SAMD5: variants seen among roughly 807,000 people sequenced by gnomAD.
SAMD5 encodes sterile alpha motif domain-containing protein 5.
In SAMD5, 13 loss-of-function variants were observed where a neutral mutation model predicts 11.3. That is an observed-to-expected ratio of 1.15 (90% CI 0.75 to 1.83). SAMD5 has a LOEUF of 1.83. Ranked by LOEUF, SAMD5 falls within the 40% of genes most tolerant of loss-of-function variation. The pLI is 0.00. For synonymous variants in SAMD5, 129 were observed against 111.3 expected, an observed-to-expected ratio of 1.16 and a Z score of -1.00; for missense variants, 255 against 239.1, an observed-to-expected ratio of 1.07 and a Z score of -0.44.
At chr6:147,666,499 T>C (rs1408124424) in intron 1 of SAMD5, among the ~76,000 whole-genome samples, 1 of 152,154 alleles carries the variant, frequency 6.6e-6, no homozygotes, top group Non-Finnish European at 1.5e-5. Flanking sequence ...CAGCTCCCTG[T>C]CAGAGAGCTT....
the SAMD5 span, among the ~76,000 whole-genome samples, chr6:147,791,480 C>T: frequency 1.3e-5 from 2 of 152,032 alleles, no homozygotes; most frequent in Non-Finnish European, 2.9e-5. Flanking sequence ...TACGTTTATA[C>T]CTTTCACTTT....
chr6:147,649,232 T>C (rs905722804), intron 1 of SAMD5, among the ~76,000 whole-genome samples: 1 of 152,218 alleles, frequency 6.6e-6, no homozygotes, highest in South Asian at 2.1e-4. Context: ...AGTTTTGTTT[T>C]TCATGGAATG....
chr6:147,620,319 C>A (rs1387249807), intron 1 of SAMD5, among the ~76,000 whole-genome samples: 1 of 152,176 alleles, frequency 6.6e-6, no homozygotes, highest in Non-Finnish European at 1.5e-5. Context: ...CAGATTCTGG[C>A]CCCAGCCTTA....
intron 1 of SAMD5, among the ~76,000 whole-genome samples, chr6:147,683,448 A>G (rs1045362996): frequency 3.3e-5 from 5 of 151,864 alleles, no homozygotes; most frequent in African/African-American, 1.2e-4. Flanking sequence ...TAAAATATGT[A>G]TCTATTCATT....
intron 1 of SAMD5, among the ~76,000 whole-genome samples, chr6:147,525,523 G>A (rs1252707541): frequency 1.3e-5 from 2 of 151,874 alleles, no homozygotes; most frequent in Non-Finnish European, 2.9e-5. Context: ...CGAAGTGTTA[G>A]TAGCTAGAGG....
chr6:147,715,270 G>T (rs1241370289), intron 1 of SAMD5, among the ~76,000 whole-genome samples: 1 of 152,254 alleles, frequency 6.6e-6, no homozygotes, highest in Non-Finnish European at 1.5e-5. Flanking sequence ...GCGCAGAGCA[G>T]TGAGGAGTTT....
At chr6:147,887,272 A>T in the SAMD5 span, among the ~76,000 whole-genome samples, 8 of 152,238 alleles carry the variant, frequency 5.3e-5, no homozygotes, top group African/African-American at 1.9e-4. Flanking sequence ...CACCAAAATG[A>T]TTAAGATAAA....
the SAMD5 span, among the ~76,000 whole-genome samples, chr6:147,832,360 T>C: frequency 6.6e-6 from 1 of 152,186 alleles, no homozygotes; most frequent in African/African-American, 2.4e-5. Context: ...GACAGAGCTA[T>C]AAAAAATAAA....
the SAMD5 span, among the ~76,000 whole-genome samples, chr6:147,828,955 G>A: frequency 1.4e-3 from 220 of 152,256 alleles, no homozygotes; most frequent in African/African-American, 4.9e-3. Context: ...GAGGATAGAT[G>A]AAACCATTAG....
At chr6:147,651,622 A>T (rs936146363) in intron 1 of SAMD5, among the ~76,000 whole-genome samples, 2 of 152,182 alleles carry the variant, frequency 1.3e-5, no homozygotes, top group African/African-American at 4.8e-5. Context: ...CAGACACCAG[A>T]ACCCAACCAT....
chr6:147,621,057 A>T (rs1007219915), intron 1 of SAMD5, among the ~76,000 whole-genome samples: 5 of 152,120 alleles, frequency 3.3e-5, no homozygotes, highest in Admixed American at 1.3e-4. Context: ...ATAGGCAATC[A>T]TAAAGGTGGG....
At chr6:147,698,924 T>C (rs1791215674) in intron 1 of SAMD5, among the ~76,000 whole-genome samples, 1 of 152,106 alleles carries the variant, frequency 6.6e-6, no homozygotes, top group Non-Finnish European at 1.5e-5. Flanking sequence ...TGAAAAGGCT[T>C]CATGGCAGAA....
At chr6:147,640,878 C>T (rs1790302622) in intron 1 of SAMD5, among the ~76,000 whole-genome samples, 1 of 152,172 alleles carries the variant, frequency 6.6e-6, no homozygotes, top group African/African-American at 2.4e-5. Context: ...CACTTAGATT[C>T]TTATCTTGTT....
intron 1 of SAMD5, among the ~76,000 whole-genome samples, chr6:147,546,635 C>G (rs4895714): frequency 0.74 from 111,754 of 151,980 alleles, 41,887 homozygotes; most frequent in East Asian, 0.99. Context: ...CTGTAAGAGA[C>G]CCTGGGAACT....
chr6:147,541,110 T>C (rs1788596952), intron 1 of SAMD5, among the ~76,000 whole-genome samples: 1 of 151,822 alleles, frequency 6.6e-6, no homozygotes, highest in Admixed American at 6.6e-5. Flanking sequence ...CCACCACGCC[T>C]GGATAATATT....
chr6:147,765,260 G>A, the SAMD5 span, among the ~76,000 whole-genome samples: 1 of 151,990 alleles, frequency 6.6e-6, no homozygotes, highest in Non-Finnish European at 1.5e-5. Flanking sequence ...CTCTGTATGA[G>A]GAATGAACCA....
the SAMD5 span, among the ~76,000 whole-genome samples, chr6:147,919,295 T>A: frequency 1.3e-5 from 2 of 152,220 alleles, no homozygotes; most frequent in Non-Finnish European, 2.9e-5. Flanking sequence ...ACCACCATGT[T>A]CATCACAGAA....
rs771291091 is a variant in SAMD5 at position 147,649,782 on chromosome 6, C to A, written c.163-87535C>A. ...CTCCAGCCTTGGCAATAGAGCGAGA[C>A]AACGTCTCAAAAAAAAAAAAAAAAA... On this transcript the variant is annotated intron_variant, in intron 1 of 1. Transcript: ENST00000566741. Among the ~76,000 whole-genome samples the A allele has an allele frequency of 2.3e-3, 265 of 113,606 alleles. 1 individual carries two copies. Among genetic ancestry groups the A allele is most frequent in the Admixed American group, 3.6e-3 (34 of 9,362 alleles). The allele number at this position is 113,606 out of a possible 152,430, so 74.5% of individuals were successfully genotyped here.
the SAMD5 span, among the ~76,000 whole-genome samples, chr6:147,919,759 A>G: frequency 2.0e-5 from 3 of 152,096 alleles, no homozygotes; most frequent in Admixed American, 2.0e-4. Flanking sequence ...CCTTGTCTTC[A>G]TGAGTATCAT....
Sources: allele counts gnomAD v4.1 joint callset (sites outside exome capture counted in the v4.1 genomes callset), GRCh38; gene constraint gnomAD v4.1.1; transcripts MANE v1.5; gene names NCBI Gene and HGNC (gene_info 2026-07-23, HGNC 2026-07-21).